LEPROTL1: variants seen among roughly 807,000 people sequenced by gnomAD.
LEPROTL1 encodes leptin receptor overlapping transcript like 1.
Under a neutral mutation model 15.4 loss-of-function variants are expected in LEPROTL1, and 6 were observed. That is an observed-to-expected ratio of 0.39 (90% CI 0.21 to 0.77). The LOEUF (loss-of-function observed/expected upper bound fraction) is 0.77, where lower values mean the gene tolerates loss of function less well. Among genes scored for constraint, LEPROTL1 ranks in the 30% least tolerant of loss-of-function variants. The pLI, the probability that LEPROTL1 is intolerant of heterozygous loss-of-function variation, is 0.41. For synonymous variants in LEPROTL1, 56 were observed against 52.6 expected (o/e 1.06, Z -0.28); for missense variants, 128 against 158.1 (o/e 0.81, Z 1.02).
At position 30,107,199 on chromosome 8, in the gene LEPROTL1, A is replaced by T; in HGVS notation, c.*1337A>T. ...GGCATTTGTTGTGTGAGTTAATGCA[A>T]AGTAGCCAAGTCCAGCTATATAGCA... On this transcript the variant is annotated 3_prime_UTR_variant, in exon 4 of 4. Coordinates refer to ENST00000321250, the MANE Select transcript of LEPROTL1 (RefSeq NM_015344.3). The T allele has an allele frequency of 1.0e-6, 1 of 985,426 alleles. No individual in the cohort carries two copies. The highest frequency in any genetic ancestry group is 1.2e-6 in the Non-Finnish European group (1 of 829,930). The allele number at this position is 985,426 out of a possible 1,614,324, so 61.0% of individuals were successfully genotyped here.
chr8:30,131,296 A>ATATATATGTG (rs367717206), intron 3 of LEPROTL1, among the ~76,000 whole-genome samples: 10 of 123,896 alleles, frequency 8.1e-5, no homozygotes, highest in African/African-American at 1.1e-4. Context: ...ATATATATAT[A>ATATATATGTG]TGTGTGTGTG....
intron 1 of LEPROTL1, among the ~76,000 whole-genome samples, chr8:30,096,897 C>T (rs957853065): frequency 6.6e-6 from 1 of 152,150 alleles, no homozygotes; most frequent in Non-Finnish European, 1.5e-5. Flanking sequence ...AGGAGTGTTG[C>T]TGTAATTAGA....
chr8:30,129,711 TCA>T (rs35105107), intron 3 of LEPROTL1, among the ~76,000 whole-genome samples: 22,668 of 127,972 alleles, frequency 0.18, 1,918 homozygotes, highest in African/African-American at 0.24. Flanking sequence ...TGAGACCCTG[TCA>T]CACACACACA....
intron 3 of LEPROTL1, among the ~76,000 whole-genome samples, chr8:30,131,148 G>A (rs537326698): frequency 8.2e-4 from 125 of 151,726 alleles, no homozygotes; most frequent in Non-Finnish European, 1.4e-3. Context: ...CTGGGGTGCA[G>A]TGGCACAATC....
At chr8:30,102,736 G>T (rs907307457) in intron 2 of LEPROTL1, among the ~76,000 whole-genome samples, 1 of 150,904 alleles carries the variant, frequency 6.6e-6, no homozygotes, top group Non-Finnish European at 1.5e-5. Context: ...ATTAGAAAAA[G>T]ATGGACAACT....
intron 3 of LEPROTL1, among the ~76,000 whole-genome samples, chr8:30,131,122 C>T (rs146456798): frequency 2.1e-3 from 317 of 151,568 alleles, no homozygotes; most frequent in African/African-American, 7.4e-3. Context: ...GATGGGGTCT[C>T]CCTCTGTCAA....
rs1802771086 is a variant in LEPROTL1, at chr8:30,118,024, T to TGG, written c.279+13538_279+13539insGG. ...GTATATATATTTTTTGATTTGTTTT[T>TGG]TTTTTTTTTTTTTTTTTTGAGACAG... On this transcript the variant is annotated intron_variant, in intron 3 of 4. Transcript: ENST00000442880. Among the ~76,000 whole-genome samples, 2 of 141,962 alleles carry TGG rather than the reference T, an allele frequency of 1.4e-5. 1 individual carries two copies. Among genetic ancestry groups the TGG allele is most frequent in the East Asian group, 4.0e-4 (2 of 5,020 alleles). The allele number at this position is 141,962 out of a possible 152,430, so 93.1% of individuals were successfully genotyped here.
At chr8:30,133,788 C>CAAAA (rs11430475) in intron 4 of LEPROTL1, among the ~76,000 whole-genome samples, 49 of 123,024 alleles carry the variant, frequency 4.0e-4, no homozygotes, top group Admixed American at 1.0e-3. Flanking sequence ...GACCCTGTCT[C>CAAAA]AAAAAAAAAA....
chr8:30,109,803 C>G (rs1349719337), downstream of LEPROTL1, among the ~76,000 whole-genome samples: 1 of 152,026 alleles, frequency 6.6e-6, no homozygotes, highest in African/African-American at 2.4e-5. Flanking sequence ...TGCCTCCTAC[C>G]TCTTACACAA....
chr8:30,106,369 C>G lies in LEPROTL1; in HGVS notation c.*507C>G. 1 of 986,266 alleles carries G rather than the reference C, an allele frequency of 1.0e-6. No individual in the cohort carries two copies. Among genetic ancestry groups the G allele is most frequent in the African/African-American group, 1.7e-5 (1 of 57,348 alleles). The allele number at this position is 986,266 out of a possible 1,614,324, so 61.1% of individuals were successfully genotyped here. ...GTTATGCAGACATACAGACGGTTGG[C>G]ATACGTTATAGACTGTATACTCAGT... On this transcript the variant is annotated 3_prime_UTR_variant, in exon 4 of 4. Coordinates refer to ENST00000321250, the MANE Select transcript of LEPROTL1 (RefSeq NM_015344.3).
chr8:30,104,466 G>T lies in LEPROTL1; in HGVS notation c.259G>T (p.Val87Leu). The T allele has an allele frequency of 6.2e-7, 1 of 1,606,550 alleles. No individual in the cohort carries two copies. Among genetic ancestry groups the T allele is most frequent in the Non-Finnish European group, 8.5e-7 (1 of 1,176,688 alleles). The change falls in exon 3 of 4, where the codon GTA becomes TTA. Residue 87 changes from valine to leucine, a missense_variant. By Grantham distance (32) the Val-to-Leu change is conservative (BLOSUM62 1). Transcript: ENST00000321250. Reference sequence around the variant, plus strand: ...CGTGTCAGCTTTTGGACTCCCTATTGTATTTGCCAGAGCACATCTGGTAAG... The same window carrying T: ...CGTGTCAGCTTTTGGACTCCCTATTTTATTTGCCAGAGCACATCTGGTAAG... ...IVVSAFGLPI[V>L]FARAHLIEWG...
Position 30,106,979 on chromosome 8 carries a change from A to G in LEPROTL1, c.*1117A>G. ...TCCCCTGCAAGGCCTTGCCATGATT[A>G]ACAAGTAACTTGTTAGTCTTACAGA... On this transcript the variant is annotated 3_prime_UTR_variant, in exon 4 of 4. Transcript: ENST00000321250. 2.0e-6 allele frequency: 2 copies of G among 985,600 alleles called. No homozygotes were observed. The highest frequency in any genetic ancestry group is 2.4e-6 in the Non-Finnish European group (2 of 829,788). The allele number at this position is 985,600 out of a possible 1,614,324, so 61.1% of individuals were successfully genotyped here.
At position 30,108,414 on chromosome 8, in the gene LEPROTL1, G is replaced by A. The variant is rs1563215057; in HGVS notation, c.*2552G>A. ...GAACATTTTTATGACTTCTTATTATGTATTTATTACCACTCATTATTATAG... is the reference window on the plus strand; with the variant it reads ...GAACATTTTTATGACTTCTTATTATATATTTATTACCACTCATTATTATAG... On this transcript the variant is annotated 3_prime_UTR_variant, in exon 4 of 4. Transcript: ENST00000321250. 2 of 152,036 alleles carry A rather than the reference G, an allele frequency of 1.3e-5. No individual in the cohort carries two copies. Among genetic ancestry groups the A allele is most frequent in the Admixed American group, 6.6e-5 (1 of 15,264 alleles). 9.4% of individuals were successfully genotyped at this position (152,036 alleles called of 1,614,324 possible).
At chr8:30,131,842 A>G in intron 3 of LEPROTL1, 1 of 1,401,592 alleles carries the variant, frequency 7.1e-7, no homozygotes, top group Non-Finnish European at 9.4e-7. Context: ...TTTAGAAAAA[A>G]TTTTATTATG....
intron 4 of LEPROTL1, chr8:30,132,901 C>T: frequency 6.6e-7 from 1 of 1,506,270 alleles, no homozygotes; most frequent in Non-Finnish European, 8.9e-7. Context: ...AAGAGTGATG[C>T]AGAACCTGCA....
intron 1 of LEPROTL1, among the ~76,000 whole-genome samples, chr8:30,100,065 A>G (rs986407045): frequency 1.4e-4 from 21 of 152,226 alleles, no homozygotes; most frequent in African/African-American, 4.1e-4. Context: ...TAAAGTAAAA[A>G]TGCAATTCTT....
downstream of LEPROTL1, among the ~76,000 whole-genome samples, chr8:30,112,296 T>C (rs1166456089): frequency 6.6e-6 from 1 of 151,348 alleles, no homozygotes; most frequent in Admixed American, 6.6e-5. Flanking sequence ...AGTTCAGTGG[T>C]GTGATCTCGG....
At chr8:30,136,090 C>T (rs1045789332) in intron 4 of LEPROTL1, among the ~76,000 whole-genome samples, 4 of 152,106 alleles carry the variant, frequency 2.6e-5, no homozygotes, top group African/African-American at 7.2e-5. Context: ...AAGGTAGCCT[C>T]CAAATGCCAC....
At chr8:30,137,983 C>G, downstream of LEPROTL1, 1 of 183,534 alleles carries the variant, frequency 5.4e-6, no homozygotes, top group Admixed American at 5.3e-5. Context: ...TGGTACTACC[C>G]AGACCGATAA....
Sources: allele counts gnomAD v4.1 joint callset (sites outside exome capture counted in the v4.1 genomes callset), GRCh38; gene constraint gnomAD v4.1.1; transcripts MANE v1.5; gene names NCBI Gene and HGNC (gene_info 2026-07-23, HGNC 2026-07-21).